The following EFHC2 variants were observed in gnomAD, a reference collection of about 807,000 sequenced individuals.
EFHC2 encodes the protein EF-hand domain containing 2.
EFHC2 carries 18 observed loss-of-function variants against 52.7 expected under a neutral mutation model. The observed-to-expected ratio is 0.34, with a 90% CI of 0.24 to 0.51. EFHC2 has a LOEUF of 0.51. Ranked by LOEUF, EFHC2 falls within the 20% of genes least tolerant of loss-of-function variation. The probability of loss-of-function intolerance (pLI) is 0.97; values close to 1 mark genes in which losing one functional copy is unlikely to be tolerated. For missense variants in EFHC2, 513 were observed against 562.5 expected (o/e 0.91, Z 0.89); for synonymous variants, 203 against 204.1 (o/e 0.99, Z 0.04).
chrX:44,339,565 G>C (rs771571198), intron 1 of EFHC2, among the ~76,000 whole-genome samples: 1 of 111,240 alleles, frequency 9.0e-6, no homozygotes, highest in Non-Finnish European at 1.9e-5. Flanking sequence ...TCACCTAGCC[G>C]TGGACAGAAA....
At chrX:44,196,804 T>C (rs889303030) in intron 11 of EFHC2, among the ~76,000 whole-genome samples, 2 of 112,294 alleles carry the variant, frequency 1.8e-5, no homozygotes, top group African/African-American at 6.5e-5. Context: ...CATATGTTAA[T>C]TCATCTAACG....
At chrX:44,250,069 G>T in intron 5 of EFHC2, 125 bp downstream of exon 5, 1 of 816,743 alleles carries the variant, frequency 1.2e-6, no homozygotes, top group Non-Finnish European at 1.7e-6. Flanking sequence ...CAAAATGAAA[G>T]GTTTCTAAAT....
intron 1 of EFHC2, among the ~76,000 whole-genome samples, chrX:44,321,439 T>A (rs1301840726): frequency 9.0e-6 from 1 of 111,370 alleles, no homozygotes; most frequent in Non-Finnish European, 1.9e-5. Context: ...TTGATATACA[T>A]CAGTTGATGG....
chrX:44,313,385 T>G (rs2037962239), intron 1 of EFHC2, among the ~76,000 whole-genome samples: 1 of 111,320 alleles, frequency 9.0e-6, no homozygotes, highest in Non-Finnish European at 1.9e-5. Context: ...ATTTGTGCAC[T>G]GCTGGTGGGA....
chrX:44,196,075 T>C, intron 11 of EFHC2, among the ~76,000 whole-genome samples: 1 of 111,280 alleles, frequency 9.0e-6, no homozygotes, highest in Admixed American at 9.5e-5. Context: ...CACCACCATG[T>C]CCAGCTAATT....
In EFHC2 at chrX:44,224,405, A is replaced by G. The variant is rs1404451915; in HGVS notation, c.1751+5244T>C. Among the ~76,000 whole-genome samples the G allele has an allele frequency of 4.5e-5, 5 of 112,179 alleles. No homozygotes were observed. The Admixed American group carries it at 4.7e-4, about 11-fold the overall frequency. ...CTATCCCCATTTTACAGATGAAAAAATTATTCAGCAGCTTCCCCAAGGCCA... is the reference window on the plus strand; with the variant it reads ...CTATCCCCATTTTACAGATGAAAAAGTTATTCAGCAGCTTCCCCAAGGCCA... On this transcript the variant is annotated intron_variant, in intron 11 of 14. Transcript: ENST00000420999.
chrX:44,231,795 A>G (rs1210648065), intron 10 of EFHC2, among the ~76,000 whole-genome samples: 2 of 112,401 alleles, frequency 1.8e-5, no homozygotes, highest in Non-Finnish European at 3.8e-5. Context: ...AGATTTTTCC[A>G]TATTAGGCAA....
At chrX:44,188,410 TG>T (rs1373959250) in intron 11 of EFHC2, among the ~76,000 whole-genome samples, 1 of 112,165 alleles carries the variant, frequency 8.9e-6, no homozygotes, top group African/African-American at 3.2e-5. Context: ...TATTGTGTTC[TG>T]TCTGCACACA....
At chrX:44,282,457 A>T (rs1477230289) in intron 2 of EFHC2, among the ~76,000 whole-genome samples, 3 of 101,235 alleles carry the variant, frequency 3.0e-5, no homozygotes, top group Non-Finnish European at 6.0e-5. Context: ...AAAAAAAAAA[A>T]ATACAAAATT....
intron 14 of EFHC2, among the ~76,000 whole-genome samples, chrX:44,162,687 T>C (rs2147269041): frequency 9.0e-6 from 1 of 111,370 alleles, no homozygotes; most frequent in African/African-American, 3.3e-5. Flanking sequence ...TTCCAGACCA[T>C]GTCACTTTCC....
chrX:44,178,129 TCACACACACACACACA>T (rs201977577), intron 12 of EFHC2, among the ~76,000 whole-genome samples: 4 of 83,951 alleles, frequency 4.8e-5, no homozygotes, highest in African/African-American at 1.9e-4. Context: ...AGATGCCATA[TCACACACACACACACA>T]CACACACACA....
intron 11 of EFHC2, among the ~76,000 whole-genome samples, chrX:44,187,970 G>GTTTTTT (rs11405024): frequency 1.1e-5 from 1 of 91,973 alleles, no homozygotes; most frequent in Non-Finnish European, 2.1e-5. Flanking sequence ...AAAAAAAAGT[G>GTTTTTT]TTTTTTTTTT....
chrX:44,316,270 C>T (rs1166264964), intron 1 of EFHC2, among the ~76,000 whole-genome samples: 1 of 111,818 alleles, frequency 8.9e-6, no homozygotes, highest in African/African-American at 3.3e-5. Flanking sequence ...TCTACACAAA[C>T]CCCTCTCCCC....
At chrX:44,264,437 C>T in intron 3 of EFHC2, among the ~76,000 whole-genome samples, 1 of 112,202 alleles carries the variant, frequency 8.9e-6, no homozygotes, top group African/African-American at 3.2e-5. Flanking sequence ...ACTTGCCTCT[C>T]CCAGGAGCCT....
chrX:44,308,381 A>G (rs1393162389), intron 2 of EFHC2, among the ~76,000 whole-genome samples: 1 of 111,038 alleles, frequency 9.0e-6, no homozygotes, highest in Non-Finnish European at 1.9e-5. Context: ...GCACATAAAA[A>G]AGACCTCAAT....
chrX:44,227,420 C>T (rs1407653225), intron 11 of EFHC2, among the ~76,000 whole-genome samples: 2 of 110,941 alleles, frequency 1.8e-5, no homozygotes, highest in East Asian at 2.8e-4. Context: ...GCTCAGCATC[C>T]GGCACCAAGC....
At chrX:44,295,349 G>A (rs1255535420) in intron 2 of EFHC2, among the ~76,000 whole-genome samples, 1 of 111,762 alleles carries the variant, frequency 8.9e-6, no homozygotes, top group Non-Finnish European at 1.9e-5. Flanking sequence ...AGAAGGGAAG[G>A]GCATTCTCTG....
chrX:44,336,342 G>A (rs890790806), intron 1 of EFHC2, among the ~76,000 whole-genome samples: 2 of 107,448 alleles, frequency 1.9e-5, no homozygotes, highest in African/African-American at 6.9e-5. Context: ...AGCCAAGATC[G>A]CGCCACTACA....
intron 11 of EFHC2, among the ~76,000 whole-genome samples, chrX:44,179,081 G>C: frequency 9.6e-6 from 1 of 104,218 alleles, no homozygotes; most frequent in South Asian, 4.2e-4. Context: ...AAAAACAAGA[G>C]AAAAAAAAAT....
Sources: gnomAD v4.1 joint callset for allele counts (sites outside exome capture counted in the v4.1 genomes callset) on GRCh38, gnomAD v4.1.1 for gene constraint, MANE v1.5 for transcripts, NCBI Gene and HGNC (gene_info 2026-07-23, HGNC 2026-07-21) for gene names.